The following ITPKA variants were observed in gnomAD, a reference collection of about 807,000 sequenced individuals.
ITPKA encodes inositol-trisphosphate 3-kinase A, also known as IP3 3-kinase A.
Under a neutral mutation model 40.7 loss-of-function variants are expected in ITPKA, and 16 were observed. That is an observed-to-expected ratio of 0.39 (90% CI 0.27 to 0.60). The LOEUF is 0.60. ITPKA is among the 20% of genes least tolerant of loss of function. The probability of loss-of-function intolerance (pLI) is 0.50; values close to 1 mark genes in which losing one functional copy is unlikely to be tolerated. For synonymous variants in ITPKA, 313 were observed against 289.9 expected, an observed-to-expected ratio of 1.08 and a Z score of -0.81; for missense variants, 540 against 649.3, an observed-to-expected ratio of 0.83 and a Z score of 1.83.
At position 41,502,839 on chromosome 15, in the gene ITPKA, G is replaced by A; in HGVS notation, c.1162G>A (p.Glu388Lys). ...QQIRDTLEVS[E>K]FFRRHEVIGS... ...GATCCGGGACACCCTGGAGGTATCC[G>A]AGTTCTTCAGGAGGCACGAGGTAAG... The change falls in exon 6 of 7, where the codon GAG becomes AAG. Residue 388 changes from glutamate to lysine, a missense_variant. Coordinates refer to ENST00000260386, the MANE Select transcript of ITPKA (RefSeq NM_002220.3). 1.2e-6 allele frequency: 2 copies of A among 1,612,950 alleles called. No homozygotes were observed. The highest frequency in any genetic ancestry group is 1.7e-6 in the Non-Finnish European group (2 of 1,179,602).
chr15:41,495,023 A>G (rs552290880), intron 1 of ITPKA, among the ~76,000 whole-genome samples: 2 of 152,282 alleles, frequency 1.3e-5, no homozygotes, highest in African/African-American at 4.8e-5. Context: ...CCTGCCTCCC[A>G]TCTTCCCGGC....
Position 41,502,511 on chromosome 15 carries a change from C to A in ITPKA, c.1110+8C>A, listed in dbSNP as rs764997939. On this transcript the variant is annotated splice_region_variant and intron_variant, in intron 5 of 6. Transcript: ENST00000260386. ...GGAGATGAGGAAGTGCTGGTGAGAG[C>A]GGGATCCCAAACCCTGAGGTGTTGG... 1 of 1,510,834 alleles carries A rather than the reference C, an allele frequency of 6.6e-7. No individual in the cohort carries two copies. The highest frequency in any genetic ancestry group is 9.2e-7 in the Non-Finnish European group (1 of 1,087,430). 93.6% of individuals were successfully genotyped at this position (1,510,834 alleles called of 1,614,324 possible).
chr15:41,500,730 G>A (rs913112777), intron 1 of ITPKA, among the ~76,000 whole-genome samples: 4 of 152,060 alleles, frequency 2.6e-5, no homozygotes, highest in Non-Finnish European at 5.9e-5. Flanking sequence ...TTGGGGGGCC[G>A]GGCCTGGTGG....
rs2051112553 is a variant in ITPKA at position 41,501,762 on chromosome 15, G to A, written c.714G>A (p.Val238=). The A allele has an allele frequency of 6.2e-7, 1 of 1,612,832 alleles. No individual in the cohort carries two copies. Among genetic ancestry groups the A allele is most frequent in the African/African-American group, 1.3e-5 (1 of 74,932 alleles). Residue 238 remains valine (V), a synonymous_variant, in exon 3 of 7, where the codon GTG becomes GTA. Transcript: ENST00000260386. ...RGCVPAFHGV[V]ERDGESYLQL... is the part of the protein sequence containing the mutation. ...GCGTGCCTGCCTTCCACGGCGTGGT[G>A]GAGCGCGACGGCGAAAGCTACCTGC...
chr15:41,499,865 A>AAAAAAC (rs1451353028), intron 1 of ITPKA, among the ~76,000 whole-genome samples: 4 of 152,188 alleles, frequency 2.6e-5, no homozygotes, highest in African/African-American at 9.7e-5. Flanking sequence ...GGGCACACCA[A>AAAAAAC]AAAAACAAAA....
rs919718055 is a variant in ITPKA, at chr15:41,494,108, C to G, written c.181C>G (p.Arg61Gly). Residue 61 changes from arginine (R) to glycine (G), a missense_variant, in exon 1 of 7, where the codon CGG (arginine) becomes GGG (glycine). Physicochemically the swap from Arg to Gly is moderately radical, Grantham distance 125. Coordinates refer to ENST00000260386, the MANE Select transcript of ITPKA (RefSeq NM_002220.3). The surrounding 1 kb of genome is among the most constrained non-coding windows in gnomAD (Gnocchi z 7.8). ...AGEPRARGAK[R>G]RGGQVPNGLP... is the part of the protein sequence containing the mutation. Reference sequence around the variant, plus strand: ...GGAGCCCCGGGCCCGCGGGGCCAAGCGGCGTGGGGGACAGGTCCCCAACGG... The same window carrying G: ...GGAGCCCCGGGCCCGCGGGGCCAAGGGGCGTGGGGGACAGGTCCCCAACGG... The G allele has an allele frequency of 1.1e-5, 15 of 1,321,866 alleles. No homozygotes were observed. The highest frequency in any genetic ancestry group is 3.8e-5 in the Admixed American group (1 of 26,494). 81.9% of individuals were successfully genotyped at this position (1,321,866 alleles called of 1,614,324 possible). A position where few individuals can be genotyped will look rare whatever the true frequency, so the allele number is the denominator to read the frequency against.
At chr15:41,498,190 C>T (rs1481954291) in intron 1 of ITPKA, among the ~76,000 whole-genome samples, 2 of 151,430 alleles carry the variant, frequency 1.3e-5, no homozygotes, top group Non-Finnish European at 2.9e-5. Flanking sequence ...TCTGTAGTCC[C>T]AGCTACTCTG....
chr15:41,503,259 C>T lies in ITPKA; in HGVS notation c.*93C>T, dbSNP rs753456104. On this transcript the variant is annotated 3_prime_UTR_variant, in exon 7 of 7. Coordinates refer to ENST00000260386, the MANE Select transcript of ITPKA (RefSeq NM_002220.3). ...ATGCCGGCTTGAGACTGGAGCCCCGCGGTGCAGGGCAGTTCACCGGGTCCT... is the reference window on the plus strand; with the variant it reads ...ATGCCGGCTTGAGACTGGAGCCCCGTGGTGCAGGGCAGTTCACCGGGTCCT... 403 of 935,920 alleles carry T rather than the reference C, an allele frequency of 4.3e-4. No homozygotes were observed. The highest frequency in any genetic ancestry group is 6.0e-4 in the Non-Finnish European group (383 of 635,606). The allele number at this position is 935,920 out of a possible 1,614,324, so 58.0% of individuals were successfully genotyped here.
Position 41,497,294 on chromosome 15 carries a change from C to T in ITPKA, c.489+2878C>T, listed in dbSNP as rs896018207. On this transcript the variant is annotated intron_variant, in intron 1 of 6. Transcript: ENST00000260386. ...GAGGGCACCTTCATGGAGGGAGGCC[C>T]GAGCCAGAGGATGTTCAAGCTTCTC... Among the ~76,000 whole-genome samples, 5 of 152,130 alleles carry T rather than the reference C, an allele frequency of 3.3e-5. No individual in the cohort carries two copies. The East Asian group carries it at 7.7e-4, about 23-fold the overall frequency.
chr15:41,499,068 G>A (rs1283040350), intron 1 of ITPKA, among the ~76,000 whole-genome samples: 1 of 152,190 alleles, frequency 6.6e-6, no homozygotes, highest in African/African-American at 2.4e-5. Context: ...GGGAGAAGGG[G>A]GTACAGGATG....
In ITPKA at chr15:41,503,495, G is replaced by C. The variant is rs911973084; in HGVS notation, c.*329G>C. The C allele has an allele frequency of 1.6e-6, 1 of 613,758 alleles. No homozygotes were observed. Among genetic ancestry groups the C allele is most frequent in the East Asian group, 3.7e-5 (1 of 26,686 alleles). 38.0% of individuals were successfully genotyped at this position (613,758 alleles called of 1,614,324 possible). Reference sequence around the variant, plus strand: ...TTTATTTAGCAAGCCCAGACCTTCCGGTCTAACGTCTCACACCACGACGGA... The same window carrying C: ...TTTATTTAGCAAGCCCAGACCTTCCCGTCTAACGTCTCACACCACGACGGA... On this transcript the variant is annotated 3_prime_UTR_variant, in exon 7 of 7. Transcript: ENST00000260386.
At chr15:41,496,557 CTA>C (rs2051073626) in intron 1 of ITPKA, among the ~76,000 whole-genome samples, 1 of 152,208 alleles carries the variant, frequency 6.6e-6, no homozygotes, top group Admixed American at 6.5e-5. Context: ...CTGCATGACT[CTA>C]TGGCCTTGCC....
intron 3 of ITPKA, 56 bp downstream of exon 3, chr15:41,501,907 A>ACAGCTGCTTGAGGGGGACCCGGGG: frequency 6.3e-7 from 1 of 1,594,058 alleles, no homozygotes; most frequent in East Asian, 2.3e-5. Context: ...CGGGGCCGGG[A>ACAGCTGCTTGAGGGGGACCCGGGG]CAGCTGCTTG....
intron 4 of ITPKA, 55 bp downstream of exon 4, chr15:41,502,256 C>T (rs1757457): frequency 0.2 from 303,447 of 1,511,624 alleles, 32,857 homozygotes; most frequent in Non-Finnish European, 0.22. Context: ...CGCTGTCTTT[C>T]CCGATCCCCC....
At chr15:41,495,609 T>C (rs1023267842) in intron 1 of ITPKA, among the ~76,000 whole-genome samples, 2 of 152,054 alleles carry the variant, frequency 1.3e-5, no homozygotes, top group African/African-American at 4.8e-5. Flanking sequence ...GCCTGCCGCT[T>C]CCCCTTCTTC....
chr15:41,503,147 C>G lies in ITPKA; in HGVS notation c.1367C>G (p.Ala456Gly), dbSNP rs1043317903. The change falls in exon 7 of 7, where the codon GCC becomes GGC. Residue 456 changes from alanine to glycine, a missense_variant. Coordinates refer to ENST00000260386, the MANE Select transcript of ITPKA (RefSeq NM_002220.3). The stretch of plus-strand genomic sequence containing the variant: ...CTGGACAATCTCATTGGCATCCTGG[C>G]CAGCCTGGCTGAGAGATGAGGCTGG... ...LGLDNLIGIL[A>G]SLAER 1 of 1,588,596 alleles carries G rather than the reference C, an allele frequency of 6.3e-7. No individual in the cohort carries two copies.
intron 5 of ITPKA, 77 bp from the exon 6 acceptor site, chr15:41,502,711 C>T (rs919216444): frequency 1.5e-6 from 2 of 1,360,406 alleles, no homozygotes; most frequent in Non-Finnish European, 2.0e-6. Context: ...CAGCGTGGGT[C>T]CCGGCTCCTC....
intron 1 of ITPKA, among the ~76,000 whole-genome samples, chr15:41,495,240 C>T (rs984607372): frequency 1.3e-5 from 2 of 152,240 alleles, no homozygotes; most frequent in Non-Finnish European, 2.9e-5. Flanking sequence ...TTGTTCCCCT[C>T]GTTTTAACCA....
At chr15:41,501,005 T>A in intron 1 of ITPKA, among the ~76,000 whole-genome samples, 1 of 59,294 alleles carries the variant, frequency 1.7e-5, no homozygotes, top group Non-Finnish European at 2.8e-5. Flanking sequence ...CAAGACTCCA[T>A]CTGAAAAAAA....
Sources: allele counts gnomAD v4.1 joint callset (sites outside exome capture counted in the v4.1 genomes callset), GRCh38; gene constraint gnomAD v4.1.1; non-coding constraint Gnocchi (gnomAD v3.1); transcripts MANE v1.5; gene names NCBI Gene and HGNC (gene_info 2026-07-23, HGNC 2026-07-21).